Variants in RBFOX1 observed in about 807,000 individuals in gnomAD.
RBFOX1 encodes the protein RNA binding protein fox-1 homolog 1.
Under a neutral mutation model 57.7 loss-of-function variants are expected in RBFOX1, and 8 were observed. The observed-to-expected ratio is 0.14, with a 90% CI of 0.08 to 0.25. The LOEUF (loss-of-function observed/expected upper bound fraction) is 0.25, where lower values mean the gene tolerates loss of function less well. Among genes scored for constraint, RBFOX1 ranks in the 10% least tolerant of loss-of-function variants. The pLI is 1.00. For missense variants in RBFOX1, 611 were observed against 548.5 expected (o/e 1.11, Z -1.14); for synonymous variants, 326 against 222.4 (o/e 1.47, Z -4.15).
chr16:6,923,851 A>G (rs1273918416), intron 3 of RBFOX1, among the ~76,000 whole-genome samples: 1 of 152,118 alleles, frequency 6.6e-6, no homozygotes, highest in Non-Finnish European at 1.5e-5. Flanking sequence ...CTTTGAGTGT[A>G]TTAGTCCATG....
chr16:5,465,322 C>G (rs1035551286), intron 1 of RBFOX1, among the ~76,000 whole-genome samples: 1 of 152,154 alleles, frequency 6.6e-6, no homozygotes, highest in South Asian at 2.1e-4. Flanking sequence ...CTTATGAAGA[C>G]AGAAGTCAGA....
chr16:5,752,939 A>T (rs1262599514), intron 3 of RBFOX1, among the ~76,000 whole-genome samples: 1 of 152,196 alleles, frequency 6.6e-6, no homozygotes, highest in Non-Finnish European at 1.5e-5. Context: ...GCTTGAGCCT[A>T]GGAGTTCAAG....
intron 4 of RBFOX1, among the ~76,000 whole-genome samples, chr16:7,159,342 T>G (rs868244540): frequency 7.9e-5 from 12 of 151,966 alleles, no homozygotes; most frequent in African/African-American, 2.7e-4. Flanking sequence ...TTGAGAGGGG[T>G]GGCAAGCCCC....
chr16:7,610,311 G>A (rs537239801), intron 10 of RBFOX1, among the ~76,000 whole-genome samples: 132 of 151,750 alleles, frequency 8.7e-4, no homozygotes, highest in Middle Eastern at 3.4e-3. Context: ...TGTAGAGACA[G>A]GGTTTTGCCG....
intron 3 of RBFOX1, among the ~76,000 whole-genome samples, chr16:7,008,564 CA>C (rs1200473328): frequency 1.1e-4 from 16 of 151,730 alleles, no homozygotes; most frequent in Admixed American, 9.9e-4. Context: ...ATTCAGTGAA[CA>C]AGAGTAAATA....
intron 3 of RBFOX1, among the ~76,000 whole-genome samples, chr16:6,984,853 C>T (rs891983977): frequency 6.6e-6 from 1 of 152,034 alleles, no homozygotes; most frequent in African/African-American, 2.4e-5. Context: ...ATTGGTCAGG[C>T]TGGTCTTGAA....
At chr16:6,857,863 A>T (rs1039031608) in intron 3 of RBFOX1, among the ~76,000 whole-genome samples, 1 of 152,212 alleles carries the variant, frequency 6.6e-6, no homozygotes, top group African/African-American at 2.4e-5. Context: ...CTCAGTTACC[A>T]TTTAGCAACC....
chr16:6,889,599 G>C (rs945741911), intron 3 of RBFOX1, among the ~76,000 whole-genome samples: 7 of 152,178 alleles, frequency 4.6e-5, no homozygotes, highest in African/African-American at 1.7e-4. Flanking sequence ...TTCCCGACTA[G>C]TTTGTGGAGG....
At chr16:6,755,768 T>A (rs1419586698) in intron 3 of RBFOX1, among the ~76,000 whole-genome samples, 1 of 152,220 alleles carries the variant, frequency 6.6e-6, no homozygotes, top group Non-Finnish European at 1.5e-5. Context: ...ACTTTGGCCT[T>A]CTTTTTTCTT....
rs577146323 is a variant in RBFOX1 at position 7,678,772 on chromosome 16, C to A, written c.995+1934C>A. Among the ~76,000 whole-genome samples, 240 of 152,266 alleles carry A rather than the reference C, an allele frequency of 1.6e-3. 2 individuals carry two copies. Among genetic ancestry groups the A allele is most frequent in the Non-Finnish European group, 2.5e-3 (172 of 68,012 alleles). ...CATTCATCTAAACATTTTTAAATTT[C>A]TGCATTTTGGAACACCATACATGTA... On this transcript the variant is annotated intron_variant, in intron 14 of 15. Transcript: ENST00000550418.
At chr16:6,108,366 G>A (rs2096406786) in intron 1 of RBFOX1, among the ~76,000 whole-genome samples, 1 of 152,124 alleles carries the variant, frequency 6.6e-6, no homozygotes, top group Non-Finnish European at 1.5e-5. Flanking sequence ...CTGTGAAATA[G>A]AGATACTAAC....
intron 2 of RBFOX1, chr16:6,483,390 G>T: frequency 1.3e-6 from 2 of 1,531,746 alleles, no homozygotes; most frequent in Middle Eastern, 1.8e-4. Context: ...CACGACAGAT[G>T]ACTGGAGTCA....
intron 4 of RBFOX1, among the ~76,000 whole-genome samples, chr16:7,364,327 G>A (rs909258982): frequency 2.6e-5 from 4 of 152,046 alleles, no homozygotes; most frequent in African/African-American, 9.7e-5. Flanking sequence ...AAGGGCCCTG[G>A]AATTAATTGT....
intron 1 of RBFOX1, among the ~76,000 whole-genome samples, chr16:6,070,469 G>T (rs554735793): frequency 6.6e-6 from 1 of 152,226 alleles, no homozygotes; most frequent in Admixed American, 6.5e-5. Flanking sequence ...AAACTTTCGT[G>T]GTTGCTAGGG....
intron 1 of RBFOX1, among the ~76,000 whole-genome samples, chr16:6,210,458 A>G (rs1269202475): frequency 6.6e-6 from 1 of 151,760 alleles, no homozygotes; most frequent in Non-Finnish European, 1.5e-5. Context: ...GATCAGACAC[A>G]GTGGCTCACT....
At chr16:5,261,798 C>T (rs565540409) in intron 1 of RBFOX1, among the ~76,000 whole-genome samples, 1 of 152,152 alleles carries the variant, frequency 6.6e-6, no homozygotes, top group Non-Finnish European at 1.5e-5. Context: ...GATCCGCTGG[C>T]CTGGGCCTCC....
intron 4 of RBFOX1, among the ~76,000 whole-genome samples, chr16:7,329,010 A>T (rs1457637580): frequency 6.6e-6 from 1 of 152,230 alleles, no homozygotes; most frequent in East Asian, 1.9e-4. Flanking sequence ...TAAAAATGAT[A>T]GGAATTTAGT....
intron 1 of RBFOX1, 133 bp downstream of exon 1, chr16:6,020,125 G>C: frequency 9.1e-7 from 1 of 1,103,454 alleles, no homozygotes; most frequent in Non-Finnish European, 1.2e-6. Context: ...CGCTCTGGAC[G>C]GGAACTTTTT....
chr16:6,988,731 A>ATTTTTTTTTTT (rs111959126), intron 3 of RBFOX1, among the ~76,000 whole-genome samples: 23 of 91,302 alleles, frequency 2.5e-4, no homozygotes, highest in African/African-American at 1.1e-3. Flanking sequence ...CACCCAGCTA[A>ATTTTTTTTTTT]TTTTTTTTTT....
Sources: gnomAD v4.1 joint callset for allele counts (sites outside exome capture counted in the v4.1 genomes callset) on GRCh38, gnomAD v4.1.1 for gene constraint, MANE v1.5 for transcripts, NCBI Gene and HGNC (gene_info 2026-07-23, HGNC 2026-07-21) for gene names.